The following FLI1 variants were observed in gnomAD, a reference collection of about 807,000 sequenced individuals.
The protein encoded by FLI1 is Friend leukemia integration 1 transcription factor.
A neutral mutation model predicts 53.1 loss-of-function variants in FLI1; 13 were observed. The ratio of observed to expected loss-of-function variants is 0.24; its 90% confidence interval spans 0.16 to 0.39. The LOEUF is 0.39. Ranked by LOEUF, FLI1 falls within the 10% of genes least tolerant of loss-of-function variation. The pLI, the probability that FLI1 is intolerant of heterozygous loss-of-function variation, is 1.00. For synonymous variants in FLI1, 244 were observed against 236.7 expected (o/e 1.03, Z -0.28); for missense variants, 424 against 600.5 (o/e 0.71, Z 3.07).
intron 5 of FLI1, among the ~76,000 whole-genome samples, chr11:128,800,453 C>T (rs576379898): frequency 5.9e-5 from 9 of 152,070 alleles, no homozygotes; most frequent in African/African-American, 1.7e-4. Context: ...CCGGCAGGGA[C>T]GTTTGGGCTT....
At chr11:128,686,389 C>T (rs12418034), upstream of FLI1, 21,095 of 456,216 alleles carry the variant, frequency 0.046, 766 homozygotes, top group Non-Finnish European at 0.065. Context: ...AGGGAGGAGA[C>T]CCAATGGTGT....
intron 2 of FLI1, among the ~76,000 whole-genome samples, chr11:128,759,622 T>C (rs1397234612): frequency 2.6e-5 from 4 of 152,116 alleles, no homozygotes; most frequent in African/African-American, 7.2e-5. Flanking sequence ...CAGGAAAGAA[T>C]CAAAGGCGAC....
At chr11:128,788,298 C>T (rs1167367421) in intron 5 of FLI1, among the ~76,000 whole-genome samples, 3 of 151,818 alleles carry the variant, frequency 2.0e-5, no homozygotes, top group African/African-American at 4.8e-5. Context: ...GGTGAAACCC[C>T]GTCTCTACTA....
In FLI1 at chr11:128,810,821, G is replaced by T; in HGVS notation, c.1192G>T (p.Val398Leu). 2 of 1,614,024 alleles carry T rather than the reference G, an allele frequency of 1.2e-6. No individual in the cohort carries two copies. Among genetic ancestry groups the T allele is most frequent in the Non-Finnish European group, 1.7e-6 (2 of 1,179,904 alleles). The change falls in exon 9 of 9, where the codon GTG becomes TTG. Residue 398 changes from valine to leucine, a missense_variant. Transcript: ENST00000527786. The surrounding 1 kb of genome is among the most constrained non-coding windows in gnomAD (Gnocchi z 6.6). ...MPSYHAHQQK[V>L]NFVPPHPSSM... ...TTCCTACCATGCCCACCAGCAGAAG[G>T]TGAACTTTGTCCCTCCCCATCCATC...
intron 1 of FLI1, among the ~76,000 whole-genome samples, chr11:128,704,001 T>C (rs986258390): frequency 3.3e-5 from 5 of 152,084 alleles, no homozygotes; most frequent in African/African-American, 1.2e-4. Flanking sequence ...TGGCCTAGGA[T>C]CCGGAGACCT....
chr11:128,769,676 C>T (rs1941481713), intron 3 of FLI1, among the ~76,000 whole-genome samples: 1 of 152,144 alleles, frequency 6.6e-6, no homozygotes, highest in South Asian at 2.1e-4. Flanking sequence ...ACTCCTAAAG[C>T]AATTCTAAGT....
At chr11:128,760,603 C>G (rs1591789215) in intron 2 of FLI1, among the ~76,000 whole-genome samples, 2 of 145,858 alleles carry the variant, frequency 1.4e-5, no homozygotes, top group East Asian at 4.1e-4. Context: ...TCTTGGCTCA[C>G]TACAACCTCT....
intron 4 of FLI1, among the ~76,000 whole-genome samples, chr11:128,778,263 C>T (rs908670829): frequency 8.5e-5 from 13 of 152,082 alleles, no homozygotes; most frequent in African/African-American, 1.7e-4. Context: ...TCATGAAGTG[C>T]GCTACGTGAG....
At chr11:128,795,227 G>C (rs1942397521) in intron 5 of FLI1, among the ~76,000 whole-genome samples, 1 of 152,182 alleles carries the variant, frequency 6.6e-6, no homozygotes, top group South Asian at 2.1e-4. Context: ...CCCGATTCAA[G>C]TCCTATCTGC....
intron 1 of FLI1, among the ~76,000 whole-genome samples, chr11:128,747,348 C>T (rs553378852): frequency 1.3e-5 from 2 of 152,318 alleles, no homozygotes; most frequent in South Asian, 4.1e-4. Flanking sequence ...AATAGAGTCC[C>T]AGGGAAAAGT....
intron 1 of FLI1, among the ~76,000 whole-genome samples, chr11:128,745,924 T>C (rs1455159127): frequency 2.0e-5 from 3 of 152,162 alleles, no homozygotes; most frequent in African/African-American, 7.2e-5. Flanking sequence ...GTGAGGAAAT[T>C]GTCGGATAAG....
chr11:128,747,355 A>G (rs576764525), intron 1 of FLI1, among the ~76,000 whole-genome samples: 1 of 152,266 alleles, frequency 6.6e-6, no homozygotes, highest in East Asian at 1.9e-4. Context: ...TCCCAGGGAA[A>G]AGTATGTGGG....
Position 128,772,892 on chromosome 11 carries a change from G to C in FLI1, c.496G>C (p.Glu166Gln). ...CTTTTTCCAGAACATGGATGGCAAG[G>C]AACTGTGTAAAATGAACAAGGAGGA... ...TSFFQNMDGK[E>Q]LCKMNKEDFL... The change falls in exon 4 of 9, where the codon GAA becomes CAA. Residue 166 changes from glutamate (E) to glutamine (Q), a missense_variant. By Grantham distance (29) the Glu-to-Gln change is conservative. Transcript: ENST00000527786. 1 of 1,614,026 alleles carries C rather than the reference G, an allele frequency of 6.2e-7. No homozygotes were observed. Among genetic ancestry groups the C allele is most frequent in the Non-Finnish European group, 8.5e-7 (1 of 1,179,876 alleles).
chr11:128,810,371 T>G lies in FLI1; in HGVS notation c.830-88T>G. Reference sequence around the variant, plus strand: ...GAAACAAAAGGTTTCTTTAAAAGGATGAGAAGCTCCCTGCATTTAGGGAAC... The same window carrying G: ...GAAACAAAAGGTTTCTTTAAAAGGAGGAGAAGCTCCCTGCATTTAGGGAAC... On this transcript the variant is annotated intron_variant, in intron 8 of 8. Coordinates refer to ENST00000527786, the MANE Select transcript of FLI1 (RefSeq NM_002017.5). The surrounding 1 kb of genome is among the most constrained non-coding windows in gnomAD (Gnocchi z 6.6). 283 of 1,296,418 alleles carry G rather than the reference T, an allele frequency of 2.2e-4. No homozygotes were observed. Among genetic ancestry groups the G allele is most frequent in the Non-Finnish European group, 2.8e-4 (266 of 942,870 alleles). The allele number at this position is 1,296,418 out of a possible 1,614,324, so 80.3% of individuals were successfully genotyped here.
intron 1 of FLI1, among the ~76,000 whole-genome samples, chr11:128,713,382 T>G (rs1938868890): frequency 6.6e-6 from 1 of 152,232 alleles, no homozygotes; most frequent in Non-Finnish European, 1.5e-5. Flanking sequence ...TGTTGTTGTT[T>G]TTTCAAATTG....
chr11:128,754,391 T>C (rs142158421), intron 1 of FLI1, among the ~76,000 whole-genome samples: 4 of 152,142 alleles, frequency 2.6e-5, no homozygotes, highest in African/African-American at 9.7e-5. Flanking sequence ...AGATCTCACT[T>C]ACCTTACACA....
chr11:128,749,110 T>G (rs1293527063), intron 1 of FLI1, among the ~76,000 whole-genome samples: 2 of 152,172 alleles, frequency 1.3e-5, no homozygotes, highest in African/African-American at 4.8e-5. Flanking sequence ...CTAGAAGGGT[T>G]ATGCTTTGTG....
At chr11:128,692,144 T>C (rs1397974130), upstream of FLI1, 1 of 152,214 alleles carries the variant, frequency 6.6e-6, no homozygotes, top group Non-Finnish European at 1.5e-5. Context: ...CAATTTGGGG[T>C]TTGAAAGGAT....
Position 128,705,019 on chromosome 11 carries a change from G to GA in FLI1, c.18+10747dup. ...TAAGTTACTCATGGTCATACAGGTA[G>GA]AAAATAGAAAAGCAATTATTGGAAC... On this transcript the variant is annotated intron_variant, in intron 1 of 8. Transcript: ENST00000527786. 1.3e-5 allele frequency among the ~76,000 whole-genome samples: 2 copies of GA among 152,300 alleles called. 1 individual carries two copies. Among genetic ancestry groups the GA allele is most frequent in the South Asian group, 4.1e-4 (2 of 4,830 alleles).
Sources: gnomAD v4.1 joint callset for allele counts (sites outside exome capture counted in the v4.1 genomes callset) on GRCh38, gnomAD v4.1.1 for gene constraint, Gnocchi (gnomAD v3.1) non-coding constraint, MANE v1.5 for transcripts, NCBI Gene and HGNC (gene_info 2026-07-23, HGNC 2026-07-21) for gene names.